XPO4: variants seen among roughly 807,000 people sequenced by gnomAD.
XPO4 encodes the protein exportin-4.
Under a neutral mutation model 143.0 loss-of-function variants are expected in XPO4, and 39 were observed. The ratio of observed to expected loss-of-function variants is 0.27; its 90% confidence interval spans 0.21 to 0.36. The LOEUF (loss-of-function observed/expected upper bound fraction) is 0.36. Among genes scored for constraint, XPO4 ranks in the 10% least tolerant of loss-of-function variants. The pLI, the probability that XPO4 is intolerant of heterozygous loss-of-function variation, is 1.00. For synonymous variants in XPO4, 439 were observed against 474.0 expected, an observed-to-expected ratio of 0.93 and a Z score of 0.96; for missense variants, 907 against 1,348.0, an observed-to-expected ratio of 0.67 and a Z score of 5.12.
chr13:20,837,288 G>A (rs562842820), intron 6 of XPO4, among the ~76,000 whole-genome samples: 6 of 152,228 alleles, frequency 3.9e-5, no homozygotes, highest in African/African-American at 7.2e-5. Flanking sequence ...AGCATTTCCC[G>A]AGTTGTGACA....
At chr13:20,831,932 A>G (rs1205023756) in intron 6 of XPO4, among the ~76,000 whole-genome samples, 1 of 150,308 alleles carries the variant, frequency 6.7e-6, no homozygotes, top group Non-Finnish European at 1.5e-5. Context: ...GCTCATTGCC[A>G]TCATAATCCC....
intron 14 of XPO4, 27 bp from the exon 15 acceptor site, chr13:20,800,352 G>A (rs754276132): frequency 6.3e-7 from 1 of 1,587,544 alleles, no homozygotes; most frequent in Non-Finnish European, 8.6e-7. Context: ...AATTTTTTAA[G>A]GTAAGCAAGA....
chr13:20,817,146 A>G (rs1032791267), intron 9 of XPO4, among the ~76,000 whole-genome samples: 1 of 152,238 alleles, frequency 6.6e-6, no homozygotes, highest in African/African-American at 2.4e-5. Flanking sequence ...GTTACACTGT[A>G]CGGACACAAC....
intron 3 of XPO4, among the ~76,000 whole-genome samples, chr13:20,862,485 A>AT (rs1386751481): frequency 1.3e-5 from 2 of 152,076 alleles, no homozygotes; most frequent in Middle Eastern, 3.4e-3. Context: ...AGCTTTTTAA[A>AT]TTTTTTTTCT....
chr13:20,861,458 A>T (rs1595140312), intron 3 of XPO4, among the ~76,000 whole-genome samples: 1 of 151,370 alleles, frequency 6.6e-6, no homozygotes, highest in Non-Finnish European at 1.5e-5. Flanking sequence ...ACCACGCCCG[A>T]CTAATTTTTG....
chr13:20,804,624 G>C (rs185551232), intron 13 of XPO4, among the ~76,000 whole-genome samples: 1 of 152,312 alleles, frequency 6.6e-6, no homozygotes, highest in Non-Finnish European at 1.5e-5. Flanking sequence ...CATAGGAGTT[G>C]AAATACAACT....
intron 9 of XPO4, among the ~76,000 whole-genome samples, chr13:20,819,298 T>A (rs2059689071): frequency 6.6e-6 from 1 of 152,224 alleles, no homozygotes; most frequent in Non-Finnish European, 1.5e-5. Context: ...AAGTTCATCA[T>A]CTTTTCATCC....
intron 6 of XPO4, among the ~76,000 whole-genome samples, chr13:20,839,081 T>C (rs1193797220): frequency 1.3e-5 from 2 of 151,952 alleles, no homozygotes; most frequent in East Asian, 1.9e-4. Context: ...CTGGGCAACA[T>C]GGCGAAACTC....
intron 13 of XPO4, among the ~76,000 whole-genome samples, chr13:20,801,551 C>T (rs563299322): frequency 3.2e-4 from 49 of 152,304 alleles, no homozygotes; most frequent in South Asian, 1.2e-3. Context: ...GAAAGATTAC[C>T]TGTGTAAGTA....
At chr13:20,889,872 CTG>C (rs56238730) in intron 1 of XPO4, among the ~76,000 whole-genome samples, 55,716 of 151,890 alleles carry the variant, frequency 0.37, 11,600 homozygotes, top group Non-Finnish European at 0.48. Context: ...TAATGAAAAA[CTG>C]TTTTGATGAC....
At chr13:20,847,074 T>C (rs1449955471) in intron 4 of XPO4, among the ~76,000 whole-genome samples, 1 of 152,168 alleles carries the variant, frequency 6.6e-6, no homozygotes, top group African/African-American at 2.4e-5. Flanking sequence ...CTCCTTAATT[T>C]GGAAATCCTG....
chr13:20,797,299 C>G (rs960347590), intron 16 of XPO4, among the ~76,000 whole-genome samples: 6 of 152,090 alleles, frequency 3.9e-5, no homozygotes, highest in Non-Finnish European at 8.8e-5. Context: ...TCAAAGAATT[C>G]TGCCATTTCC....
intron 6 of XPO4, among the ~76,000 whole-genome samples, chr13:20,833,526 CTG>C (rs1423343042): frequency 6.6e-6 from 1 of 152,044 alleles, no homozygotes; most frequent in Non-Finnish European, 1.5e-5. Flanking sequence ...CATTGTTGCA[CTG>C]TTTTTAAAAT....
chr13:20,837,903 T>C (rs1291463900), intron 6 of XPO4, among the ~76,000 whole-genome samples: 2 of 152,044 alleles, frequency 1.3e-5, no homozygotes, highest in East Asian at 1.9e-4. Context: ...CCACAACACA[T>C]GGGAATTATG....
At chr13:20,795,196 G>A (rs1192312585) in intron 18 of XPO4, among the ~76,000 whole-genome samples, 1 of 152,138 alleles carries the variant, frequency 6.6e-6, no homozygotes, top group Non-Finnish European at 1.5e-5. Flanking sequence ...TATAATAGGA[G>A]AGGCTAGATA....
chr13:20,856,680 C>T (rs1255528709), intron 3 of XPO4: 1 of 212,122 alleles, frequency 4.7e-6, no homozygotes, highest in Non-Finnish European at 8.1e-6. Flanking sequence ...TCAAAAGTGT[C>T]CCAGTTTGGA....
At chr13:20,851,947 C>G in intron 4 of XPO4, 1 of 985,300 alleles carries the variant, frequency 1.0e-6, no homozygotes, top group Admixed American at 6.2e-5. Context: ...TGCAGTGGGA[C>G]TAGTTTTTGT....
intron 1 of XPO4, among the ~76,000 whole-genome samples, chr13:20,896,843 A>G (rs563673623): frequency 2.0e-5 from 3 of 152,222 alleles, no homozygotes; most frequent in Non-Finnish European, 2.9e-5. Flanking sequence ...TTGTTATCAT[A>G]TTGAGAATTC....
At chr13:20,866,025 A>G in intron 2 of XPO4, 1 of 985,204 alleles carries the variant, frequency 1.0e-6, no homozygotes, top group South Asian at 4.7e-5. Context: ...AGAAAGAGTA[A>G]AAGAATGCCA....
Sources: allele counts gnomAD v4.1 joint callset (sites outside exome capture counted in the v4.1 genomes callset), GRCh38; gene constraint gnomAD v4.1.1; transcripts MANE v1.5; gene names NCBI Gene and HGNC (gene_info 2026-07-23, HGNC 2026-07-21).